The following TRPC4 variants were observed in gnomAD, a reference collection of about 807,000 sequenced individuals.
The protein encoded by TRPC4 is short transient receptor potential channel 4.
In TRPC4, 49 loss-of-function variants were observed where a neutral mutation model predicts 99.4. That is an observed-to-expected ratio of 0.49 (90% CI 0.39 to 0.63). The LOEUF (loss-of-function observed/expected upper bound fraction) is 0.63. TRPC4 is among the 20% of genes least tolerant of loss of function. The pLI, the probability that TRPC4 is intolerant of heterozygous loss-of-function variation, is 0.00. For missense variants in TRPC4, 898 were observed against 1,152.9 expected, an observed-to-expected ratio of 0.78 and a Z score of 3.20; for synonymous variants, 454 against 425.9, an observed-to-expected ratio of 1.07 and a Z score of -0.81.
intron 3 of TRPC4, among the ~76,000 whole-genome samples, chr13:37,734,774 T>C (rs1955345870): frequency 6.6e-6 from 1 of 152,112 alleles, no homozygotes; most frequent in Non-Finnish European, 1.5e-5. Flanking sequence ...GATAAGGGCA[T>C]GGAGAAAAAT....
At chr13:37,791,647 T>C (rs571137697) in intron 1 of TRPC4, among the ~76,000 whole-genome samples, 35 of 152,162 alleles carry the variant, frequency 2.3e-4, no homozygotes, top group African/African-American at 8.4e-4. Flanking sequence ...CAATGAAAAT[T>C]AGCAAACATA....
At position 37,637,355 on chromosome 13, in the gene TRPC4, G is replaced by A; in HGVS notation, c.2482C>T (p.Pro828Ser). The A allele has an allele frequency of 1.2e-6, 2 of 1,613,582 alleles. No homozygotes were observed. The highest frequency in any genetic ancestry group is 1.7e-6 in the Non-Finnish European group (2 of 1,179,858). ...SNGSALVVQE[P>S]PREKQRKVNF... The stretch of plus-strand genomic sequence containing the variant: ...ACTTTTCTCTGCTTCTCCCTGGGCG[G>A]CTCCTGAACCACCAGGGCAGAGCCA... Residue 828 changes from proline to serine, a missense_variant, in exon 11 of 11, where the codon CCG becomes TCG. Physicochemically the swap from Pro to Ser is moderately conservative, Grantham distance 74. Coordinates refer to ENST00000379705, the MANE Select transcript of TRPC4 (RefSeq NM_016179.4).
At chr13:37,706,865 T>C (rs533711147) in intron 3 of TRPC4, among the ~76,000 whole-genome samples, 1 of 152,268 alleles carries the variant, frequency 6.6e-6, no homozygotes, top group East Asian at 1.9e-4. Context: ...GTTTTTATTC[T>C]ACAGGAACTG....
Position 37,746,206 on chromosome 13 carries a change from C to A in TRPC4, c.628G>T (p.Ala210Ser). The part of the protein sequence containing the change: ...YKALASPSLI[A>S]LSSEDPFLTA... ...AGAAAAGGATCTTCGCTTGACAGTG[C>A]AATGAGAGAGGGACTGGCCAAGGCC... Residue 210 changes from alanine to serine, a missense_variant, in exon 3 of 11, where the codon GCA becomes TCA. Ala to Ser is a moderately conservative substitution (Grantham distance 99, BLOSUM62 1). Around this residue, in one of 3 missense-constraint regions of TRPC4, gnomAD observed 278 missense variants for 346.6 expected, o/e 0.80. Transcript: ENST00000379705. 1 of 1,613,754 alleles carries A rather than the reference C, an allele frequency of 6.2e-7. No individual in the cohort carries two copies. Among genetic ancestry groups the A allele is most frequent in the Non-Finnish European group, 8.5e-7 (1 of 1,179,850 alleles).
chr13:37,648,981 A>T (rs146708602), intron 8 of TRPC4, among the ~76,000 whole-genome samples: 1,624 of 145,430 alleles, frequency 0.011, 37 homozygotes, highest in African/African-American at 0.04. Context: ...AAAATATGAA[A>T]TACATATTTC....
intron 1 of TRPC4, 113 bp from the exon 2 acceptor site, chr13:37,783,473 T>A: frequency 1.3e-6 from 1 of 758,636 alleles, no homozygotes; most frequent in Non-Finnish European, 1.9e-6. Context: ...CCATTATTAG[T>A]AACTATTAAG....
At chr13:37,757,261 A>C (rs191060736) in intron 2 of TRPC4, among the ~76,000 whole-genome samples, 21 of 152,204 alleles carry the variant, frequency 1.4e-4, no homozygotes, top group Non-Finnish European at 2.8e-4. Context: ...AGACACAGTC[A>C]CTGCTATGGA....
intron 2 of TRPC4, among the ~76,000 whole-genome samples, chr13:37,757,093 A>AAAAG: frequency 6.6e-6 from 1 of 151,684 alleles, no homozygotes; most frequent in East Asian, 1.9e-4. Flanking sequence ...AATACATTAA[A>AAAAG]AAATATGCAA....
At chr13:37,849,682 A>G (rs942352175) in intron 1 of TRPC4, among the ~76,000 whole-genome samples, 4 of 152,198 alleles carry the variant, frequency 2.6e-5, no homozygotes, top group African/African-American at 9.6e-5. Context: ...GGAAAACAAA[A>G]ACAAAAACAA....
chr13:37,666,947 C>T (rs1952665001), intron 5 of TRPC4, among the ~76,000 whole-genome samples: 1 of 152,148 alleles, frequency 6.6e-6, no homozygotes, highest in African/African-American at 2.4e-5. Flanking sequence ...ACCTAACAGC[C>T]CTATTCTGCA....
chr13:37,739,577 C>A (rs928533855), intron 3 of TRPC4, among the ~76,000 whole-genome samples: 5 of 148,112 alleles, frequency 3.4e-5, no homozygotes, highest in Admixed American at 2.0e-4. Context: ...ATGATCTCGG[C>A]TCACTGCCAC....
intron 1 of TRPC4, among the ~76,000 whole-genome samples, chr13:37,788,451 TC>T (rs1264985656): frequency 3.9e-5 from 6 of 152,256 alleles, no homozygotes; most frequent in Admixed American, 6.6e-5. Flanking sequence ...TTTTTCTTAA[TC>T]ATGTCCTCCT....
intron 2 of TRPC4, among the ~76,000 whole-genome samples, chr13:37,773,806 T>C (rs1032658251): frequency 2.6e-5 from 4 of 151,940 alleles, no homozygotes; most frequent in African/African-American, 4.8e-5. Flanking sequence ...GGGTAAAATA[T>C]TGAAATATAT....
At chr13:37,866,100 A>G (rs1481237202) in intron 1 of TRPC4, among the ~76,000 whole-genome samples, 1 of 151,822 alleles carries the variant, frequency 6.6e-6, no homozygotes, top group Non-Finnish European at 1.5e-5. Flanking sequence ...CCACAGACAG[A>G]ATATAATTAA....
intron 2 of TRPC4, among the ~76,000 whole-genome samples, chr13:37,753,971 T>C (rs1007074610): frequency 2.6e-5 from 4 of 152,046 alleles, no homozygotes; most frequent in Non-Finnish European, 5.9e-5. Context: ...ACCCCCGCTA[T>C]GGAGAATGGG....
At chr13:37,772,076 T>C (rs890266912) in intron 2 of TRPC4, among the ~76,000 whole-genome samples, 5 of 151,692 alleles carry the variant, frequency 3.3e-5, no homozygotes, top group African/African-American at 4.8e-5. Flanking sequence ...ACCAGGACCA[T>C]GGACTTCCTG....
At chr13:37,817,718 CA>C (rs1164443026) in intron 1 of TRPC4, among the ~76,000 whole-genome samples, 15 of 149,226 alleles carry the variant, frequency 1.0e-4, no homozygotes, top group South Asian at 8.5e-4. Flanking sequence ...AATAAAGAAC[CA>C]AAAAAAAAGG....
chr13:37,670,131 A>C (rs1016512624), intron 5 of TRPC4, among the ~76,000 whole-genome samples: 2 of 152,164 alleles, frequency 1.3e-5, no homozygotes, highest in African/African-American at 4.8e-5. Flanking sequence ...CCAGAAACCA[A>C]CCATGCTGGA....
intron 1 of TRPC4, among the ~76,000 whole-genome samples, chr13:37,798,429 A>C (rs1957311061): frequency 6.6e-6 from 1 of 152,180 alleles, no homozygotes; most frequent in Admixed American, 6.6e-5. Flanking sequence ...ATAAACAATT[A>C]CTGATTCATC....
Sources: allele counts gnomAD v4.1 joint callset (sites outside exome capture counted in the v4.1 genomes callset), GRCh38; gene constraint gnomAD v4.1.1; regional missense constraint gnomAD v4.1.1; transcripts MANE v1.5; gene names NCBI Gene and HGNC (gene_info 2026-07-23, HGNC 2026-07-21).